Variants in LXN observed in about 807,000 individuals in gnomAD.
LXN encodes MUM.
LXN carries 28 observed loss-of-function variants against 29.8 expected under a neutral mutation model. The observed-to-expected ratio is 0.94, with a 90% CI of 0.70 to 1.29. LXN has a LOEUF of 1.29. Among genes scored for constraint, LXN ranks in the 50% most tolerant of loss-of-function variants. The probability of loss-of-function intolerance (pLI) is 0.00; values close to 1 mark genes in which losing one functional copy is unlikely to be tolerated. For missense variants in LXN, 227 were observed against 261.7 expected, an observed-to-expected ratio of 0.87 and a Z score of 0.92; for synonymous variants, 77 against 89.6, an observed-to-expected ratio of 0.86 and a Z score of 0.80.
intron 3 of LXN, 134 bp from the exon 4 acceptor site, chr3:158,669,266 T>C: frequency 8.2e-7 from 1 of 1,225,204 alleles, no homozygotes; most frequent in Non-Finnish European, 1.1e-6. Context: ...TATGGATCTA[T>C]AAAATTTCTG....
intron 2 of LXN, among the ~76,000 whole-genome samples, chr3:158,670,754 T>C (rs1386216642): frequency 1.3e-5 from 2 of 152,246 alleles, no homozygotes; most frequent in East Asian, 3.9e-4. Flanking sequence ...CCTAGCACTT[T>C]GGGAGGCAGA....
intron 5 of LXN, 53 bp downstream of exon 5, chr3:158,666,959 C>G (rs1723753252): frequency 2.6e-6 from 4 of 1,564,094 alleles, no homozygotes; most frequent in Admixed American, 2.0e-5. Context: ...TGTGGCTATA[C>G]AAGGAGTCTC....
At chr3:158,671,072 C>A in intron 1 of LXN, 53 bp from the exon 2 acceptor site, 1 of 1,424,568 alleles carries the variant, frequency 7.0e-7, no homozygotes, top group Non-Finnish European at 9.2e-7. Flanking sequence ...CAACATTATA[C>A]TTGCATTGTT....
At chr3:158,667,122 C>T in intron 4 of LXN, 48 bp from the exon 5 acceptor site, 2 of 1,483,864 alleles carry the variant, frequency 1.3e-6, no homozygotes, top group South Asian at 1.3e-5. Context: ...ATATCTTTGG[C>T]AAAAATTACA....
chr3:158,672,303 G>C, intron 1 of LXN, 47 bp downstream of exon 1: 1 of 1,606,166 alleles, frequency 6.2e-7, no homozygotes, highest in Non-Finnish European at 8.5e-7. Context: ...AGTGGAGGGA[G>C]CGCAATCCTG....
intron 1 of LXN, among the ~76,000 whole-genome samples, 174 bp downstream of exon 1, chr3:158,672,176 G>GAC (rs1724387379): frequency 6.6e-6 from 1 of 152,154 alleles, no homozygotes; most frequent in Admixed American, 6.5e-5. Context: ...CTGGAGTATA[G>GAC]ACATTCCCCC....
intron 4 of LXN, 45 bp from the exon 5 acceptor site, chr3:158,667,119 T>A: frequency 1.3e-6 from 2 of 1,504,344 alleles, no homozygotes; most frequent in Non-Finnish European, 1.8e-6. Context: ...TTAATATCTT[T>A]GGCAAAAATT....
chr3:158,667,024 A>G lies in LXN; in HGVS notation c.558T>C (p.Asn186=), dbSNP rs1466506280. The change falls in exon 5 of 6, where the codon AAT becomes AAC. Residue 186 remains asparagine (N), a synonymous_variant. Transcript: ENST00000264265. The stretch of plus-strand genomic sequence containing the variant: ...AATTATACTTTACCTGAGATGCTAT[A>G]TTATGAAGTAGAATGGTGTAGTCTA... ...IELDYTILLH[N]IASQEIIPWQ... is the part of the protein sequence containing the mutation. The G allele has an allele frequency of 6.3e-7, 1 of 1,596,664 alleles. No homozygotes were observed. Among genetic ancestry groups the G allele is most frequent in the Non-Finnish European group, 8.5e-7 (1 of 1,174,512 alleles).
At position 158,672,336 on chromosome 3, in the gene LXN, C is replaced by G. The variant is rs188844384; in HGVS notation, c.129+14G>C. The G allele has an allele frequency of 1.2e-6, 2 of 1,613,240 alleles. No homozygotes were observed. The highest frequency in any genetic ancestry group is 1.1e-5 in the South Asian group (1 of 91,034). ...CTGAAGCCTCTGCTGTCCACCACCC[C>G]CTGCTAAACTCACCTCCATGCTGGC... On this transcript the variant is annotated intron_variant, in intron 1 of 5. Coordinates refer to ENST00000264265, the MANE Select transcript of LXN (RefSeq NM_020169.4).
intron 5 of LXN, 132 bp downstream of exon 5, chr3:158,666,880 A>G: frequency 1.4e-6 from 2 of 1,448,100 alleles, no homozygotes; most frequent in South Asian, 2.6e-5. Flanking sequence ...CAATTATAAT[A>G]TACTTAAATC....
intron 4 of LXN, among the ~76,000 whole-genome samples, chr3:158,668,399 T>C (rs1723926925): frequency 6.6e-6 from 1 of 152,212 alleles, no homozygotes; most frequent in Admixed American, 6.5e-5. Flanking sequence ...CCAAATATTT[T>C]TGATTCTCGG....
chr3:158,669,901 C>G (rs1724111131), intron 2 of LXN, among the ~76,000 whole-genome samples: 1 of 152,150 alleles, frequency 6.6e-6, no homozygotes, highest in Admixed American at 6.5e-5. Flanking sequence ...TGTCCATTTG[C>G]AAGGCCAGAT....
At position 158,669,141 on chromosome 3, in the gene LXN, A is replaced by C; in HGVS notation, c.371-9T>G. On this transcript the variant is annotated splice_polypyrimidine_tract_variant and intron_variant, in intron 3 of 5. Transcript: ENST00000264265. ...TACATTTCCAAAATTGTCTGGTAGG[A>C]GACACATTTATATGATAATCATATA... 6.2e-7 allele frequency: 1 copy of C among 1,610,550 alleles called. No homozygotes were observed. Among genetic ancestry groups the C allele is most frequent in the South Asian group, 1.1e-5 (1 of 90,646 alleles).
intron 2 of LXN, 150 bp from the exon 3 acceptor site, chr3:158,669,760 C>T: frequency 1.4e-6 from 1 of 701,648 alleles, no homozygotes; most frequent in East Asian, 2.8e-5. Context: ...TCTAATTGGG[C>T]CTGGCCTATT....
intron 4 of LXN, among the ~76,000 whole-genome samples, chr3:158,668,507 C>T (rs1723940460): frequency 6.6e-6 from 1 of 152,132 alleles, no homozygotes; most frequent in Non-Finnish European, 1.5e-5. Context: ...CTCTCTCAAC[C>T]TTTTTGTTCT....
At chr3:158,671,163 C>T in intron 1 of LXN, 144 bp from the exon 2 acceptor site, 6 of 1,171,842 alleles carry the variant, frequency 5.1e-6, no homozygotes, top group Non-Finnish European at 6.5e-6. Context: ...AGGCATGTCA[C>T]CATGAATGTA....
chr3:158,672,059 A>T (rs551415318), intron 1 of LXN, among the ~76,000 whole-genome samples: 1 of 152,290 alleles, frequency 6.6e-6, no homozygotes, highest in East Asian at 1.9e-4. Context: ...ACACTTAAGG[A>T]AAGTGCTGCC....
chr3:158,667,908 G>T (rs554162086), intron 4 of LXN, among the ~76,000 whole-genome samples: 35 of 152,300 alleles, frequency 2.3e-4, no homozygotes, highest in African/African-American at 7.7e-4. Context: ...GGAAAAAACA[G>T]ATAGTTTCAG....
chr3:158,672,552 T>G lies in LXN; in HGVS notation c.-74A>C. The G allele has an allele frequency of 6.3e-7, 1 of 1,578,976 alleles. No individual in the cohort carries two copies. Among genetic ancestry groups the G allele is most frequent in the Non-Finnish European group, 8.6e-7 (1 of 1,156,872 alleles). ...ACCAGTAGCAGAGCGCCGCCCGTCC[T>G]GCTTGCTGCTGGGTCCGGTTGCCGA... On this transcript the variant is annotated 5_prime_UTR_variant, in exon 1 of 6. Coordinates refer to ENST00000264265, the MANE Select transcript of LXN (RefSeq NM_020169.4).
Sources: gnomAD v4.1 joint callset for allele counts (sites outside exome capture counted in the v4.1 genomes callset) on GRCh38, gnomAD v4.1.1 for gene constraint, MANE v1.5 for transcripts, NCBI Gene and HGNC (gene_info 2026-07-23, HGNC 2026-07-21) for gene names.